ZNF180: variants seen among roughly 807,000 people sequenced by gnomAD.
The protein encoded by ZNF180 is zinc finger protein 180 (HHZ168).
Under a neutral mutation model 11.8 loss-of-function variants are expected in ZNF180, and 11 were observed. That is an observed-to-expected ratio of 0.93 (90% CI 0.59 to 1.55). The LOEUF (loss-of-function observed/expected upper bound fraction) is 1.55. ZNF180 is among the 40% of genes most tolerant of loss of function. The pLI, the probability that ZNF180 is intolerant of heterozygous loss-of-function variation, is 0.00. For synonymous variants in ZNF180, 287 were observed against 257.7 expected (o/e 1.11, Z -1.09); for missense variants, 773 against 781.7 (o/e 0.99, Z 0.13).
intron 2 of ZNF180, among the ~76,000 whole-genome samples, chr19:44,493,314 CT>C (rs1864976700): frequency 6.6e-6 from 1 of 152,184 alleles, no homozygotes. Context: ...GCTGGACCAG[CT>C]GCTACTTCCT....
rs753413111 is a variant in ZNF180, at chr19:44,492,793, AG to A, written c.51+4490del. Reference sequence around the variant, plus strand: ...AGCTTTGCTTTGGGGGTCTACTGGCAGGAAACCCTCTATATCTGTGAGAACA... The same window carrying A: ...AGCTTTGCTTTGGGGGTCTACTGGCAGAAACCCTCTATATCTGTGAGAACA... On this transcript the variant is annotated intron_variant, in intron 2 of 4. Transcript: ENST00000592529. 1.0e-3 allele frequency among the ~76,000 whole-genome samples: 157 copies of A among 152,288 alleles called. 5 individuals carry two copies. Among genetic ancestry groups the A allele is most frequent in the Admixed American group, 9.8e-4 (15 of 15,300 alleles).
chr19:44,476,760 T>A lies in ZNF180; in HGVS notation c.1640A>T (p.Glu547Val), dbSNP rs1568421531. Residue 547 changes from glutamate to valine, a missense_variant, in exon 5 of 5, where the codon GAA becomes GTA. Physicochemically the swap from Glu to Val is moderately radical, Grantham distance 121. Transcript: ENST00000592529. The stretch of plus-strand genomic sequence containing the variant: ...ACACTGATTACATTCATACGGTTTT[T>A]CCCCAGTGTGAATTCTCTGATGCAT... The part of the protein sequence containing the change: ...LVMHQRIHTG[E>V]KPYECNQCGK... 6.2e-7 allele frequency: 1 copy of A among 1,614,166 alleles called. No homozygotes were observed. Among genetic ancestry groups the A allele is most frequent in the Non-Finnish European group, 8.5e-7 (1 of 1,180,020 alleles).
In ZNF180 at chr19:44,477,000, T is replaced by G. The variant is rs1422288530; in HGVS notation, c.1400A>C (p.Glu467Ala). The G allele has an allele frequency of 6.2e-7, 1 of 1,614,076 alleles. No individual in the cohort carries two copies. The highest frequency in any genetic ancestry group is 8.5e-7 in the Non-Finnish European group (1 of 1,179,998). The change falls in exon 5 of 5, where the codon GAA (glutamate) becomes GCA (alanine). Residue 467 changes from glutamate (E) to alanine (A), a missense_variant. Transcript: ENST00000592529. ...QRIHTGEKPY[E>A]CNQCGKSFSQ... ...AAAGGATTTCCCACACTGATTGCATTCATAGGGTTTTTCCCCAGTATGAAT... is the reference window on the plus strand; with the variant it reads ...AAAGGATTTCCCACACTGATTGCATGCATAGGGTTTTTCCCCAGTATGAAT...
At chr19:44,493,470 C>A (rs1970500025) in intron 2 of ZNF180, among the ~76,000 whole-genome samples, 1 of 152,202 alleles carries the variant, frequency 6.6e-6, no homozygotes, top group Admixed American at 6.5e-5. Flanking sequence ...GTTCTAATAT[C>A]CTTCAGGTCC....
At position 44,477,674 on chromosome 19, in the gene ZNF180, TTTTG is replaced by T; in HGVS notation, c.722_725del (p.Thr241LysfsTer42). 2 of 1,614,004 alleles carry T rather than the reference TTTTG, an allele frequency of 1.2e-6. No homozygotes were observed. The highest frequency in any genetic ancestry group is 1.1e-5 in the South Asian group (1 of 91,072). Reference sequence around the variant, plus strand: ...GGTCACTAAATCCATAGGATTTATCTTTTGTTTGAGTTCTTGTAAACTGAATAAG... The same window carrying T: ...GGTCACTAAATCCATAGGATTTATCTTTTGAGTTCTTGTAAACTGAATAAG... On this transcript the variant is annotated frameshift_variant, in exon 5 of 5. Transcript: ENST00000592529. LOFTEE classifies it low-confidence loss of function (END_TRUNC).
intron 2 of ZNF180, among the ~76,000 whole-genome samples, chr19:44,491,289 T>C (rs1970444079): frequency 6.6e-6 from 1 of 152,184 alleles, no homozygotes. Context: ...AAAGTGTCAG[T>C]ATCCAGAACC....
intron 1 of ZNF180, among the ~76,000 whole-genome samples, chr19:44,499,793 G>A (rs2123520844): frequency 6.6e-6 from 1 of 152,236 alleles, no homozygotes; most frequent in Admixed American, 6.5e-5. Flanking sequence ...GTCTGCTCTA[G>A]GGGCCCAGAG....
At chr19:44,489,945 GAA>G (rs568668298) in intron 2 of ZNF180, among the ~76,000 whole-genome samples, 147 of 140,980 alleles carry the variant, frequency 1.0e-3, no homozygotes, top group African/African-American at 3.6e-3. Flanking sequence ...AGACAGGAAA[GAA>G]AGAGGGAAAA....
intron 1 of ZNF180, among the ~76,000 whole-genome samples, chr19:44,498,808 G>A (rs963775125): frequency 1.3e-5 from 2 of 152,066 alleles, no homozygotes; most frequent in Non-Finnish European, 2.9e-5. Context: ...AGTGTTGCTG[G>A]AGCAGCCCCG....
chr19:44,476,476 C>G lies in ZNF180; in HGVS notation c.1924G>C (p.Ala642Pro). Residue 642 changes from alanine (A) to proline (P), a missense_variant, in exon 5 of 5, where the codon GCT becomes CCT. By Grantham distance (27) the Ala-to-Pro change is conservative. Coordinates refer to ENST00000592529, the MANE Select transcript of ZNF180 (RefSeq NM_001278509.3). ...KPFTCIQCGK[A>P]FINSYKLIRH... ...ATAAGTTTATAGCTATTAATGAAAGCTTTTCCACACTGAATACATGTAAAG... is the reference window on the plus strand; with the variant it reads ...ATAAGTTTATAGCTATTAATGAAAGGTTTTCCACACTGAATACATGTAAAG... 6.2e-7 allele frequency: 1 copy of G among 1,614,002 alleles called. No homozygotes were observed. Among genetic ancestry groups the G allele is most frequent in the South Asian group, 1.1e-5 (1 of 91,056 alleles).
Position 44,479,321 on chromosome 19 carries a change from T to A in ZNF180, c.215A>T (p.Asp72Val). The A allele has an allele frequency of 6.2e-7, 1 of 1,614,024 alleles. No homozygotes were observed. Among genetic ancestry groups the A allele is most frequent in the Non-Finnish European group, 8.5e-7 (1 of 1,179,938 alleles). ...GTCCCTGTGGTTCTCCAGGATCACA[T>A]CTCTGTCCAGGGTCCTCTGAGCAGG... ...CNPAQRTLDRDVILENHRDLV... is the reference protein window; with the variant it reads ...CNPAQRTLDRVVILENHRDLV... The change falls in exon 4 of 5, where the codon GAT becomes GTT. Residue 72 changes from aspartate to valine, a missense_variant. Coordinates refer to ENST00000592529, the MANE Select transcript of ZNF180 (RefSeq NM_001278509.3).
At chr19:44,496,711 AAAAAG>A (rs1322837266) in intron 2 of ZNF180, 1 of 151,694 alleles carries the variant, frequency 6.6e-6, no homozygotes, top group East Asian at 1.9e-4. Context: ...GAAAGAAAAG[AAAAAG>A]AAAATACAGA....
intron 4 of ZNF180, 124 bp downstream of exon 4, chr19:44,479,159 A>T: frequency 8.7e-7 from 1 of 1,150,424 alleles, no homozygotes. Flanking sequence ...GGGAATAAAG[A>T]GCACAAACAC....
At chr19:44,485,614 A>G (rs1158289697) in intron 2 of ZNF180, among the ~76,000 whole-genome samples, 1 of 152,218 alleles carries the variant, frequency 6.6e-6, no homozygotes, top group East Asian at 1.9e-4. Context: ...CCCACTGGCC[A>G]AGAGCTTCAT....
intron 2 of ZNF180, among the ~76,000 whole-genome samples, chr19:44,487,721 GTT>G (rs1047755339): frequency 2.0e-5 from 3 of 152,200 alleles, no homozygotes; most frequent in African/African-American, 7.2e-5. Context: ...TTTTTTGTTT[GTT>G]TGTTTGTTTT....
intron 2 of ZNF180, among the ~76,000 whole-genome samples, chr19:44,489,926 G>C (rs76823310): frequency 1.5e-5 from 2 of 131,280 alleles, no homozygotes; most frequent in Non-Finnish European, 3.3e-5. Flanking sequence ...GAAAGAAAGA[G>C]AGAGAGAAAG....
chr19:44,484,324 T>G lies in ZNF180; in HGVS notation c.126+37A>C, dbSNP rs373589181. ...TCTACTCACTTCCCAGCCATGCACA[T>G]TTCTCAGTGTAAAGACAGAGGCCTT... On this transcript the variant is annotated intron_variant, in intron 3 of 4. Transcript: ENST00000592529. 1.7e-5 allele frequency: 26 copies of G among 1,524,326 alleles called. No individual in the cohort carries two copies. In the African/African-American group the frequency reaches 2.9e-4, roughly 17 times the overall value. The allele number at this position is 1,524,326 out of a possible 1,614,324, so 94.4% of individuals were successfully genotyped here.
Position 44,500,499 on chromosome 19 carries a change from G to T in ZNF180, c.-268C>A, listed in dbSNP as rs1178487238. ...CTGCTCGGCGACAGCAAGCGTCCGCGCGCGGGACAATGGCTGCTCTTGTGG... is the reference window on the plus strand; with the variant it reads ...CTGCTCGGCGACAGCAAGCGTCCGCTCGCGGGACAATGGCTGCTCTTGTGG... On this transcript the variant is annotated 5_prime_UTR_variant, in exon 1 of 5. Coordinates refer to ENST00000592529, the MANE Select transcript of ZNF180 (RefSeq NM_001278509.3). 2 of 545,998 alleles carry T rather than the reference G, an allele frequency of 3.7e-6. No homozygotes were observed. Among genetic ancestry groups the T allele is most frequent in the African/African-American group, 1.9e-5 (1 of 52,604 alleles). 33.8% of individuals were successfully genotyped at this position (545,998 alleles called of 1,614,324 possible).
chr19:44,482,181 C>A (rs964922148), intron 3 of ZNF180, among the ~76,000 whole-genome samples: 2 of 152,094 alleles, frequency 1.3e-5, no homozygotes, highest in Non-Finnish European at 1.5e-5. Context: ...CTGGTGCATG[C>A]CTATAGTCCC....
Sources: allele counts gnomAD v4.1 joint callset (sites outside exome capture counted in the v4.1 genomes callset), GRCh38; gene constraint gnomAD v4.1.1; transcripts MANE v1.5; gene names NCBI Gene and HGNC (gene_info 2026-07-23, HGNC 2026-07-21).